The following BCAS3 variants were observed in gnomAD, a reference collection of about 807,000 sequenced individuals.
The protein encoded by BCAS3 is BCAS3 microtubule associated cell migration factor.
BCAS3 carries 53 observed loss-of-function variants against 116.1 expected under a neutral mutation model. The ratio of observed to expected loss-of-function variants is 0.46; its 90% CI spans 0.37 to 0.57. BCAS3 has a LOEUF of 0.57. Ranked by LOEUF, BCAS3 falls within the 20% of genes least tolerant of loss-of-function variation. BCAS3 has a pLI of 0.00. For missense variants in BCAS3, 917 were observed against 1,165.4 expected (o/e 0.79, Z 3.10); for synonymous variants, 391 against 408.2 (o/e 0.96, Z 0.51).
intron 9 of BCAS3, among the ~76,000 whole-genome samples, chr17:60,882,021 C>G (rs1252740675): frequency 2.0e-5 from 3 of 149,060 alleles, no homozygotes; most frequent in African/African-American, 7.7e-5. Flanking sequence ...GCCACACTGA[C>G]TTCCACAATG....
At chr17:60,785,401 C>T (rs2046206944) in intron 6 of BCAS3, among the ~76,000 whole-genome samples, 1 of 152,084 alleles carries the variant, frequency 6.6e-6, no homozygotes, top group Non-Finnish European at 1.5e-5. Flanking sequence ...TTAAGCAATC[C>T]ACCTACCTTG....
chr17:60,818,285 G>A (rs565281640), intron 7 of BCAS3, among the ~76,000 whole-genome samples: 4 of 152,258 alleles, frequency 2.6e-5, no homozygotes, highest in East Asian at 1.9e-4. Context: ...ACTGGCAAAA[G>A]CATCATCTTG....
chr17:60,683,115 T>C (rs2033430477), intron 2 of BCAS3, among the ~76,000 whole-genome samples: 1 of 152,154 alleles, frequency 6.6e-6, no homozygotes, highest in Admixed American at 6.6e-5. Flanking sequence ...GTCTTTTCTA[T>C]ACCAAAAGTT....
intron 13 of BCAS3, among the ~76,000 whole-genome samples, chr17:60,928,872 T>G (rs1055449577): frequency 1.8e-4 from 27 of 152,334 alleles, no homozygotes; most frequent in Middle Eastern, 6.8e-3. Context: ...TCATATTTAC[T>G]CTTCTAACCC....
intron 14 of BCAS3, among the ~76,000 whole-genome samples, chr17:60,976,913 C>T (rs1035653768): frequency 1.2e-4 from 18 of 152,258 alleles, no homozygotes; most frequent in African/African-American, 2.9e-4. Flanking sequence ...TCGACAAAAC[C>T]GCCATCGTCA....
chr17:60,712,402 T>C lies in BCAS3; in HGVS notation c.321+3077T>C, dbSNP rs181116326. 1.9e-3 allele frequency among the ~76,000 whole-genome samples: 291 copies of C among 151,806 alleles called. 4 individuals are homozygous for C. The highest frequency in any genetic ancestry group is 6.8e-3 in the African/African-American group (281 of 41,324). ...GGAAGGAAAAAAAAAAAAGACAATC[T>C]GGGAAAATAAGCTTCTTATATTTCA... On this transcript the variant is annotated intron_variant, in intron 5 of 23. Transcript: ENST00000407086.
At chr17:60,789,103 A>G (rs750420301) in intron 6 of BCAS3, among the ~76,000 whole-genome samples, 2 of 152,160 alleles carry the variant, frequency 1.3e-5, no homozygotes, top group Non-Finnish European at 2.9e-5. Flanking sequence ...TCTAGAAAAT[A>G]TTTTTCTCAG....
chr17:60,707,318 G>A (rs948163454), intron 4 of BCAS3, among the ~76,000 whole-genome samples: 19 of 151,618 alleles, frequency 1.3e-4, no homozygotes, highest in African/African-American at 4.1e-4. Context: ...TGTAGAGATG[G>A]GGTTTCGCCA....
At chr17:61,027,245 T>C (rs1401770867) in intron 16 of BCAS3, 2 of 430,800 alleles carry the variant, frequency 4.6e-6, no homozygotes, top group African/African-American at 4.1e-5. Context: ...CATTAGAAGT[T>C]ACCTACATAT....
intron 22 of BCAS3, among the ~76,000 whole-genome samples, chr17:61,230,097 C>A (rs2144426614): frequency 6.6e-6 from 1 of 151,916 alleles, no homozygotes; most frequent in South Asian, 2.1e-4. Flanking sequence ...TGCACTCCAG[C>A]CTGGGTGACA....
intron 22 of BCAS3, among the ~76,000 whole-genome samples, chr17:61,253,718 ACAGAGGTG>A (rs991186367): frequency 2.6e-5 from 4 of 151,472 alleles, no homozygotes; most frequent in Admixed American, 2.6e-4. Flanking sequence ...CAGCTGTGGA[ACAGAGGTG>A]CAGAGGTGGA....
Position 61,241,229 on chromosome 17 carries a change from A to G in BCAS3, c.2426-127098A>G, listed in dbSNP as rs538809920. Among the ~76,000 whole-genome samples, 2 of 152,196 alleles carry G rather than the reference A, an allele frequency of 1.3e-5. No homozygotes were observed. Among genetic ancestry groups the G allele is most frequent in the South Asian group, 4.2e-4 (2 of 4,816 alleles). On this transcript the variant is annotated intron_variant, in intron 22 of 23. Transcript: ENST00000407086. This position sits in a 1 kb window ranked among gnomAD's most constrained non-coding sequence, Gnocchi z 4.6. ...AGTGAGGACTCTGTTATTACTACGA[A>G]TTTGTAGGTTGGTATTTAGCTTAGC... is the stretch of plus-strand genomic sequence containing the variant.
chr17:61,110,532 G>T (rs1331973005), intron 22 of BCAS3, among the ~76,000 whole-genome samples: 4 of 152,354 alleles, frequency 2.6e-5, no homozygotes, highest in South Asian at 4.1e-4. Context: ...GCGCTTTTCG[G>T]ACCGGCTTAA....
intron 2 of BCAS3, among the ~76,000 whole-genome samples, chr17:60,682,445 G>A (rs916020019): frequency 6.6e-6 from 1 of 152,026 alleles, no homozygotes; most frequent in Non-Finnish European, 1.5e-5. Flanking sequence ...TTTTTAATAG[G>A]ATTTATGATA....
chr17:60,765,844 G>C lies in BCAS3; in HGVS notation c.403+18565G>C, dbSNP rs182850541. On this transcript the variant is annotated intron_variant, in intron 6 of 23. Coordinates refer to ENST00000407086, the MANE Select transcript of BCAS3 (RefSeq NM_017679.5). The stretch of plus-strand genomic sequence containing the variant: ...AGATACACCAATCAAACGTAGATTT[G>C]GTCTTTTCACATAGTCCTATATTTC... Among the ~76,000 whole-genome samples, 223 of 152,072 alleles carry C rather than the reference G, an allele frequency of 1.5e-3. 1 individual carries two copies. The highest frequency in any genetic ancestry group is 2.4e-3 in the Non-Finnish European group (162 of 67,974).
At chr17:61,374,236 T>G (rs1417026640) in intron 23 of BCAS3, among the ~76,000 whole-genome samples, 2 of 151,464 alleles carry the variant, frequency 1.3e-5, no homozygotes, top group African/African-American at 4.9e-5. Flanking sequence ...AGTGGCACGA[T>G]CTCGGCTCAC....
chr17:61,090,009 A>G (rs1471461688), intron 22 of BCAS3, among the ~76,000 whole-genome samples: 5 of 152,164 alleles, frequency 3.3e-5, no homozygotes, highest in South Asian at 2.1e-4. Flanking sequence ...ACATAGCTCC[A>G]TGGTCTTAGA....
chr17:61,310,011 A>G (rs1173252278), intron 22 of BCAS3, among the ~76,000 whole-genome samples: 1 of 152,188 alleles, frequency 6.6e-6, no homozygotes, highest in Non-Finnish European at 1.5e-5. Context: ...GCCATATCCC[A>G]GCCATGTGGC....
chr17:60,936,047 C>T (rs978731572), intron 13 of BCAS3, among the ~76,000 whole-genome samples: 1 of 150,592 alleles, frequency 6.6e-6, no homozygotes, highest in Non-Finnish European at 1.5e-5. Context: ...TGTGATGTTC[C>T]CCTTCCTGTG....
Sources: allele counts gnomAD v4.1 joint callset (sites outside exome capture counted in the v4.1 genomes callset), GRCh38; gene constraint gnomAD v4.1.1; non-coding constraint Gnocchi (gnomAD v3.1); transcripts MANE v1.5; gene names NCBI Gene and HGNC (gene_info 2026-07-23, HGNC 2026-07-21).